The following MEI4 variants were observed in gnomAD, a reference collection of about 807,000 sequenced individuals.
The protein encoded by MEI4 is meiosis-specific protein MEI4.
Under a neutral mutation model 31.4 loss-of-function variants are expected in MEI4, and 27 were observed. The observed-to-expected ratio is 0.86, with a 90% CI of 0.63 to 1.19. The LOEUF is 1.19. Among genes scored for constraint, MEI4 ranks in the 50% most tolerant of loss-of-function variants. The pLI is 0.00. For synonymous variants in MEI4, 122 were observed against 145.4 expected, an observed-to-expected ratio of 0.84 and a Z score of 1.16; for missense variants, 329 against 398.9, an observed-to-expected ratio of 0.82 and a Z score of 1.49.
At chr6:77,837,222 A>C (rs558168794) in intron 4 of MEI4, among the ~76,000 whole-genome samples, 1 of 152,318 alleles carries the variant, frequency 6.6e-6, no homozygotes, top group South Asian at 2.1e-4. Context: ...ACTAAATCAA[A>C]TGATAAAGTG....
At chr6:77,886,441 T>TTTA (rs1771621096) in intron 4 of MEI4, among the ~76,000 whole-genome samples, 1 of 152,158 alleles carries the variant, frequency 6.6e-6, no homozygotes, top group Non-Finnish European at 1.5e-5. Context: ...TTTTGTTTTT[T>TTTA]TTTTTATGAG....
intron 4 of MEI4, among the ~76,000 whole-genome samples, chr6:77,835,400 ACAC>A (rs1366512437): frequency 2.9e-4 from 38 of 131,154 alleles, no homozygotes; most frequent in African/African-American, 7.1e-4. Context: ...ACACACACAC[ACAC>A]AAATAAAAAA....
chr6:77,847,594 T>G lies in MEI4; in HGVS notation c.900+18532T>G, dbSNP rs555352252. On this transcript the variant is annotated intron_variant, in intron 4 of 4. Coordinates refer to ENST00000684080, the MANE Select transcript of MEI4 (RefSeq NM_001322247.2). This position sits in a 1 kb window ranked among gnomAD's most constrained non-coding sequence, Gnocchi z 4.6. ...TGTTCAGAATAATTTTCTGATGCAA[T>G]CGAAACCTAATGCCTTCTATGAAGA... Among the ~76,000 whole-genome samples the G allele has an allele frequency of 2.0e-5, 3 of 152,142 alleles. No homozygotes were observed. Among genetic ancestry groups the G allele is most frequent in the African/African-American group, 7.2e-5 (3 of 41,430 alleles).
rs1581989305 is a variant in MEI4 at position 77,925,683 on chromosome 6, G to A, written c.*2337G>A. On this transcript the variant is annotated 3_prime_UTR_variant, in exon 5 of 5. Transcript: ENST00000684080. The stretch of plus-strand genomic sequence containing the variant: ...AGGATAGGAAATAAAGAGAACCATA[G>A]AATGATCATAAAAATGAAGCAAATA... The A allele has an allele frequency of 6.6e-6, 1 of 150,672 alleles. No individual in the cohort carries two copies. Among genetic ancestry groups the A allele is most frequent in the Admixed American group, 6.7e-5 (1 of 14,990 alleles). The allele number at this position is 150,672 out of a possible 1,614,324, so 9.3% of individuals were successfully genotyped here.
intron 3 of MEI4, among the ~76,000 whole-genome samples, chr6:77,805,481 T>C (rs1769406152): frequency 6.6e-6 from 1 of 152,156 alleles, no homozygotes; most frequent in African/African-American, 2.4e-5. Flanking sequence ...GGGGGAACAT[T>C]ATTGCTCAAG....
intron 3 of MEI4, among the ~76,000 whole-genome samples, chr6:77,792,298 T>A (rs1010894753): frequency 6.6e-6 from 1 of 152,206 alleles, no homozygotes; most frequent in African/African-American, 2.4e-5. Flanking sequence ...CATTTATTTA[T>A]TTGGGATATA....
At position 77,805,990 on chromosome 6, in the gene MEI4, A is replaced by G. The variant is rs905795857; in HGVS notation, c.769-22941A>G. ...GATGTAAAGAATATTTCTTCCTAAGAGAAGAGGGATGAAAATAACCTGACC... is the reference window on the plus strand; with the variant it reads ...GATGTAAAGAATATTTCTTCCTAAGGGAAGAGGGATGAAAATAACCTGACC... On this transcript the variant is annotated intron_variant, in intron 3 of 4. Transcript: ENST00000684080. Among the ~76,000 whole-genome samples, 15 of 152,248 alleles carry G rather than the reference A, an allele frequency of 9.9e-5. No individual in the cohort carries two copies. The Middle Eastern group carries it at 0.01, about 104-fold the overall frequency.
intron 1 of MEI4, among the ~76,000 whole-genome samples, chr6:77,664,881 A>G (rs972257297): frequency 1.3e-5 from 2 of 152,134 alleles, no homozygotes; most frequent in Non-Finnish European, 2.9e-5. Flanking sequence ...TCGAGTTTGT[A>G]TTGGGGTCAA....
At chr6:77,743,241 T>C (rs1767469705) in intron 2 of MEI4, among the ~76,000 whole-genome samples, 1 of 152,210 alleles carries the variant, frequency 6.6e-6, no homozygotes, top group South Asian at 2.1e-4. Context: ...TATTGATTCT[T>C]CCTACCCATG....
At chr6:77,745,807 T>A (rs1004273348) in intron 2 of MEI4, among the ~76,000 whole-genome samples, 35 of 152,122 alleles carry the variant, frequency 2.3e-4, no homozygotes, top group Non-Finnish European at 4.6e-4. Context: ...GAACTCAGGC[T>A]TAAGAATCTC....
chr6:77,899,784 GAC>G (rs970322444), intron 4 of MEI4, among the ~76,000 whole-genome samples: 2 of 151,978 alleles, frequency 1.3e-5, no homozygotes, highest in Non-Finnish European at 2.9e-5. Context: ...TCCACACACA[GAC>G]ACACATTTTC....
chr6:77,766,943 A>G (rs1210460795), intron 3 of MEI4, among the ~76,000 whole-genome samples: 2 of 152,064 alleles, frequency 1.3e-5, no homozygotes, highest in Admixed American at 1.3e-4. Context: ...CTTTCCAACA[A>G]CCTTATCCTC....
At chr6:77,805,229 C>G (rs1407561253) in intron 3 of MEI4, among the ~76,000 whole-genome samples, 1 of 152,102 alleles carries the variant, frequency 6.6e-6, no homozygotes, top group Non-Finnish European at 1.5e-5. Context: ...CTTCAGCCTT[C>G]TTATTAGATA....
At chr6:77,872,379 G>A (rs1562020649) in intron 4 of MEI4, among the ~76,000 whole-genome samples, 2 of 151,878 alleles carry the variant, frequency 1.3e-5, no homozygotes, top group African/African-American at 4.8e-5. Flanking sequence ...CTGGAGTTCC[G>A]AGGTGTAGTG....
In MEI4 at chr6:77,680,340, G is replaced by T. The variant is rs571996014; in HGVS notation, c.-14-10318G>T. ...ATTTAGCTTGTTTGGGGGTTGTAGT[G>T]GTACTCAGTGGGGTAGTGGGGTAAG... On this transcript the variant is annotated intron_variant, in intron 1 of 4. Coordinates refer to ENST00000684080, the MANE Select transcript of MEI4 (RefSeq NM_001322247.2). Among the ~76,000 whole-genome samples the T allele has an allele frequency of 1.0e-3, 152 of 152,042 alleles. 1 individual carries two copies. Among genetic ancestry groups the T allele is most frequent in the Middle Eastern group, 6.9e-3 (2 of 290 alleles).
chr6:77,694,254 A>G (rs1769214115), intron 2 of MEI4, among the ~76,000 whole-genome samples: 1 of 151,524 alleles, frequency 6.6e-6, no homozygotes, highest in South Asian at 2.1e-4. Context: ...TTTATTATTT[A>G]TTTATTTTAA....
chr6:77,674,198 T>G (rs1768799108), intron 1 of MEI4, among the ~76,000 whole-genome samples: 1 of 152,178 alleles, frequency 6.6e-6, no homozygotes. Context: ...CATTAATTCT[T>G]TATTCAAATT....
chr6:77,719,331 G>A (rs1351224681), intron 2 of MEI4, among the ~76,000 whole-genome samples: 2 of 136,702 alleles, frequency 1.5e-5, no homozygotes, highest in African/African-American at 2.8e-5. Context: ...GAAAAGTCTT[G>A]TAAATAATTT....
At chr6:77,765,760 C>T (rs1038244083) in intron 3 of MEI4, among the ~76,000 whole-genome samples, 3 of 149,620 alleles carry the variant, frequency 2.0e-5, no homozygotes, top group African/African-American at 7.7e-5. Flanking sequence ...CAGCACTATG[C>T]ACAATAGCAA....
Sources: allele counts gnomAD v4.1 joint callset (sites outside exome capture counted in the v4.1 genomes callset), GRCh38; gene constraint gnomAD v4.1.1; non-coding constraint Gnocchi (gnomAD v3.1); transcripts MANE v1.5; gene names NCBI Gene and HGNC (gene_info 2026-07-23, HGNC 2026-07-21).